FHIT: variants seen among roughly 807,000 people sequenced by gnomAD.
The protein encoded by FHIT is bis(5'-adenosyl)-triphosphatase.
Under a neutral mutation model 17.9 loss-of-function variants are expected in FHIT, and 19 were observed. The observed-to-expected ratio is 1.06, with a 90% CI of 0.74 to 1.56. The LOEUF is 1.56. Ranked by LOEUF, FHIT falls within the 40% of genes most tolerant of loss-of-function variation. The pLI is 0.00. For synonymous variants in FHIT, 81 were observed against 69.7 expected, an observed-to-expected ratio of 1.16 and a Z score of -0.81; for missense variants, 248 against 189.2, an observed-to-expected ratio of 1.31 and a Z score of -1.82.
At chr3:60,184,154 T>G (rs930346202) in intron 5 of FHIT, among the ~76,000 whole-genome samples, 2 of 151,946 alleles carry the variant, frequency 1.3e-5, no homozygotes, top group African/African-American at 2.4e-5. Flanking sequence ...CTAATTTGTT[T>G]TTTATTTTTT....
intron 8 of FHIT, among the ~76,000 whole-genome samples, chr3:59,771,374 T>C (rs1033835620): frequency 2.4e-4 from 37 of 152,106 alleles, no homozygotes; most frequent in Non-Finnish European, 5.1e-4. Flanking sequence ...GGGAATATGA[T>C]AATAATTTTT....
intron 4 of FHIT, among the ~76,000 whole-genome samples, chr3:60,679,819 T>A (rs1167552827): frequency 1.3e-5 from 2 of 152,024 alleles, no homozygotes; most frequent in East Asian, 3.8e-4. Context: ...ATGATGGGGT[T>A]TTTTTTGCAT....
chr3:60,056,103 C>G (rs1160000542), intron 5 of FHIT, among the ~76,000 whole-genome samples: 1 of 152,174 alleles, frequency 6.6e-6, no homozygotes, highest in Non-Finnish European at 1.5e-5. Context: ...CTGCAAATGC[C>G]AAGAGCATTA....
chr3:60,022,123 G>T (rs1187775274), intron 5 of FHIT, among the ~76,000 whole-genome samples: 1 of 152,156 alleles, frequency 6.6e-6, no homozygotes, highest in African/African-American at 2.4e-5. Flanking sequence ...TGTTTCAGAG[G>T]ATGTTCTTTG....
At chr3:60,757,641 G>A (rs1699488160) in intron 4 of FHIT, among the ~76,000 whole-genome samples, 1 of 152,150 alleles carries the variant, frequency 6.6e-6, no homozygotes, top group African/African-American at 2.4e-5. Context: ...CAGTGACCAG[G>A]GTGGACATGT....
intron 5 of FHIT, among the ~76,000 whole-genome samples, chr3:60,161,586 G>A (rs1700942251): frequency 6.6e-6 from 1 of 152,120 alleles, no homozygotes; most frequent in South Asian, 2.1e-4. Flanking sequence ...AAACAAAGGA[G>A]TGTGCTTAGG....
chr3:60,709,438 C>T (rs1451977212), intron 4 of FHIT, among the ~76,000 whole-genome samples: 1 of 152,140 alleles, frequency 6.6e-6, no homozygotes, highest in Non-Finnish European at 1.5e-5. Context: ...TGCATCAAAA[C>T]TTAACAAATG....
At chr3:60,576,248 A>G (rs544669328) in intron 4 of FHIT, among the ~76,000 whole-genome samples, 18 of 152,162 alleles carry the variant, frequency 1.2e-4, no homozygotes, top group Admixed American at 3.9e-4. Context: ...TAAAAAATAC[A>G]AGAAATGGAA....
intron 5 of FHIT, among the ~76,000 whole-genome samples, chr3:60,284,313 C>T (rs1218403585): frequency 6.6e-6 from 1 of 152,068 alleles, no homozygotes; most frequent in Non-Finnish European, 1.5e-5. Context: ...TGTAGACGTT[C>T]AGCTAGAAAT....
At chr3:61,063,931 G>T (rs1216463892) in intron 2 of FHIT, among the ~76,000 whole-genome samples, 2 of 152,178 alleles carry the variant, frequency 1.3e-5, no homozygotes, top group Non-Finnish European at 2.9e-5. Flanking sequence ...GCATTAACAT[G>T]GACAGAAGTA....
At chr3:60,473,036 T>C (rs2033169481) in intron 5 of FHIT, among the ~76,000 whole-genome samples, 2 of 152,136 alleles carry the variant, frequency 1.3e-5, no homozygotes, top group East Asian at 1.9e-4. Flanking sequence ...GAAATGCATG[T>C]CCCAGAGTTG....
At chr3:60,869,223 T>G (rs1356562647) in intron 3 of FHIT, among the ~76,000 whole-genome samples, 1 of 152,186 alleles carries the variant, frequency 6.6e-6, no homozygotes, top group African/African-American at 2.4e-5. Flanking sequence ...TGAGGACAAT[T>G]ATTCATGTGT....
chr3:61,047,433 A>T (rs944706695), intron 2 of FHIT, among the ~76,000 whole-genome samples: 4 of 151,792 alleles, frequency 2.6e-5, no homozygotes, highest in African/African-American at 9.7e-5. Flanking sequence ...AAAGATGTGA[A>T]GAACCTCTTC....
chr3:60,302,043 A>G (rs1176959038), intron 5 of FHIT, among the ~76,000 whole-genome samples: 1 of 152,154 alleles, frequency 6.6e-6, no homozygotes, highest in Non-Finnish European at 1.5e-5. Context: ...TGTCAGACTA[A>G]TATTTTTGCC....
chr3:60,294,053 GA>G (rs1414370458), intron 5 of FHIT, among the ~76,000 whole-genome samples: 1 of 152,094 alleles, frequency 6.6e-6, no homozygotes, highest in Non-Finnish European at 1.5e-5. Flanking sequence ...TATTTGTTAT[GA>G]GTCCTTTTCA....
chr3:60,945,347 T>C (rs940696977), intron 3 of FHIT, among the ~76,000 whole-genome samples: 7 of 152,146 alleles, frequency 4.6e-5, no homozygotes, highest in African/African-American at 1.2e-4. Flanking sequence ...CTTGAGGTCA[T>C]AGCAAAAAGC....
intron 5 of FHIT, among the ~76,000 whole-genome samples, chr3:60,305,040 G>GA (rs1329268221): frequency 4.6e-5 from 7 of 152,132 alleles, no homozygotes; most frequent in African/African-American, 1.7e-4. Context: ...CTAAATTGGT[G>GA]AAAATCCTAC....
At chr3:60,742,081 G>A (rs554675033) in intron 4 of FHIT, among the ~76,000 whole-genome samples, 3 of 152,252 alleles carry the variant, frequency 2.0e-5, no homozygotes, top group East Asian at 3.9e-4. Flanking sequence ...GTGTGATTTG[G>A]GGCACTCTGA....
intron 5 of FHIT, among the ~76,000 whole-genome samples, chr3:60,305,217 A>G (rs1462438799): frequency 2.0e-5 from 3 of 152,094 alleles, no homozygotes; most frequent in Non-Finnish European, 4.4e-5. Flanking sequence ...GGACATAATA[A>G]ATAGGAAACA....
Sources: allele counts gnomAD v4.1 joint callset (sites outside exome capture counted in the v4.1 genomes callset), GRCh38; gene constraint gnomAD v4.1.1; transcripts MANE v1.5; gene names NCBI Gene and HGNC (gene_info 2026-07-23, HGNC 2026-07-21).